The following MGAT5B variants were observed in gnomAD, a reference collection of about 807,000 sequenced individuals.
MGAT5B encodes alpha-1,6-mannosylglycoprotein 6-beta-N-acetylglucosaminyltransferase B, also known as N-acetylglucosaminyl-transferase Vb.
MGAT5B carries 54 observed loss-of-function variants against 95.1 expected under a neutral mutation model. The observed-to-expected ratio is 0.57, with a 90% CI of 0.46 to 0.71. MGAT5B has a LOEUF of 0.71. MGAT5B is among the 30% of genes least tolerant of loss of function. The probability of loss-of-function intolerance (pLI) is 0.00; values close to 1 mark genes in which losing one functional copy is unlikely to be tolerated. For synonymous variants in MGAT5B, 464 were observed against 451.0 expected (o/e 1.03, Z -0.36); for missense variants, 935 against 1,088.6 (o/e 0.86, Z 1.99).
In MGAT5B at chr17:76,932,717, A is replaced by G. The variant is rs1969532045; in HGVS notation, c.1364A>G (p.Lys455Arg). ...ELNETEKRLI[K>R]GGKASNMAVV... is the part of the protein sequence containing the mutation. ...AACGAGACGGAGAAGCGGCTCATCA[A>G]AGGCGGCAAGGCCAGCAACATGGCC... The change falls in exon 11 of 18, where the codon AAA becomes AGA. Residue 455 changes from lysine (K) to arginine (R), a missense_variant. Physicochemically the swap from Lys to Arg is conservative, Grantham distance 26. Around this residue, in one of 4 missense-constraint regions of MGAT5B, gnomAD observed 440 missense variants for 523.6 expected, o/e 0.84. Transcript: ENST00000569840. 6.2e-7 allele frequency: 1 copy of G among 1,613,974 alleles called. No individual in the cohort carries two copies. Among genetic ancestry groups the G allele is most frequent in the Non-Finnish European group, 8.5e-7 (1 of 1,179,946 alleles).
intron 15 of MGAT5B, among the ~76,000 whole-genome samples, chr17:76,943,482 C>G (rs905346055): frequency 2.6e-5 from 4 of 152,148 alleles, no homozygotes; most frequent in African/African-American, 9.7e-5. Context: ...CGAGCCTATC[C>G]CGCACCTTCC....
chr17:76,933,193 C>T, intron 11 of MGAT5B, 99 bp from the exon 12 acceptor site: 3 of 1,508,412 alleles, frequency 2.0e-6, no homozygotes, highest in African/African-American at 1.4e-5. Context: ...GGGTTGGGGG[C>T]CCCAGAGAGG....
chr17:76,926,629 C>T lies in MGAT5B; in HGVS notation c.1190C>T (p.Thr397Met), dbSNP rs139971041. The change falls in exon 10 of 18, where the codon ACG (threonine) becomes ATG (methionine). Residue 397 changes from threonine to methionine, a missense_variant. Physicochemically the swap from Thr to Met is moderately conservative, Grantham distance 81. Around this residue, in one of 4 missense-constraint regions of MGAT5B, gnomAD observed 9 missense variants for 31.1 expected, o/e 0.29. Transcript: ENST00000569840. The part of the protein sequence containing the change: ...CRIRVIDTFG[T>M]EPAYNHEEYA... ...ATCAGGGTCATCGACACCTTCGGGA[C>T]GGAACCTGCGTACAACCACGAGGAG... is the stretch of plus-strand genomic sequence containing the variant. 5.6e-6 allele frequency: 9 copies of T among 1,612,468 alleles called. No homozygotes were observed. The highest frequency in any genetic ancestry group is 4.0e-5 in the African/African-American group (3 of 74,912).
intron 3 of MGAT5B, among the ~76,000 whole-genome samples, chr17:76,897,342 T>C (rs1017688536): frequency 1.3e-5 from 2 of 152,146 alleles, no homozygotes; most frequent in African/African-American, 4.8e-5. Flanking sequence ...CAACAGAAAT[T>C]TACTCTTTCC....
chr17:76,874,440 G>A (rs1474748119), intron 2 of MGAT5B, among the ~76,000 whole-genome samples: 14 of 152,180 alleles, frequency 9.2e-5, no homozygotes, highest in African/African-American at 3.1e-4. Flanking sequence ...AAGGTGAACC[G>A]GAAGGGTGGC....
chr17:76,900,249 T>C (rs1324935035), intron 3 of MGAT5B, among the ~76,000 whole-genome samples: 1 of 152,180 alleles, frequency 6.6e-6, no homozygotes, highest in Non-Finnish European at 1.5e-5. Context: ...CTGAGGACTT[T>C]TTGAGCAAAT....
At position 76,887,521 on chromosome 17, in the gene MGAT5B, CCCTCCCTCCCTT is replaced by C. The variant is rs1369678991; in HGVS notation, c.329+5227_329+5238del. 5.8e-4 allele frequency among the ~76,000 whole-genome samples: 41 copies of C among 71,212 alleles called. 1 individual carries two copies. The highest frequency in any genetic ancestry group is 3.5e-3 in the African/African-American group (30 of 8,654). 46.7% of individuals were successfully genotyped at this position (71,212 alleles called of 152,430 possible). A position where few individuals can be genotyped will look rare whatever the true frequency, so the allele number is the denominator to read the frequency against. On this transcript the variant is annotated intron_variant, in intron 3 of 17. Transcript: ENST00000569840. ...TTCCTCTCTCCCTCCCTCCCTCCCT[CCCTCCCTCCCTT>C]CCTTCCTTCCTTTCTTTTTTCTTTT...
intron 15 of MGAT5B, among the ~76,000 whole-genome samples, chr17:76,945,490 C>G (rs12451777): frequency 2.0e-5 from 3 of 151,798 alleles, no homozygotes; most frequent in African/African-American, 7.3e-5. Context: ...GGTTTCACCA[C>G]GTTGGCCAGG....
intron 3 of MGAT5B, among the ~76,000 whole-genome samples, chr17:76,896,336 G>A (rs1002363982): frequency 3.9e-5 from 6 of 152,182 alleles, no homozygotes; most frequent in African/African-American, 1.4e-4. Context: ...TGAACAAGTT[G>A]AACTTGTTAA....
rs1969848199 is a variant in MGAT5B at position 76,940,969 on chromosome 17, G to GTGTCCA, written c.1848+123_1848+128dup. The GTGTCCA allele has an allele frequency of 2.7e-6, 2 of 752,622 alleles. No homozygotes were observed. The highest frequency in any genetic ancestry group is 1.7e-5 in the African/African-American group (1 of 57,770). The allele number at this position is 752,622 out of a possible 1,614,324, so 46.6% of individuals were successfully genotyped here. ...GACTTGCAGGCCTGGGTTGGCAAAGGTGTCCATCCCTCCCCTGGTCAGACA... is the reference window on the plus strand; with the variant it reads ...GACTTGCAGGCCTGGGTTGGCAAAGGTGTCCATGTCCATCCCTCCCCTGGTCAGACA... On this transcript the variant is annotated intron_variant, in intron 15 of 17. Transcript: ENST00000569840. This position sits in a 1 kb window ranked among gnomAD's most constrained non-coding sequence, Gnocchi z 4.3.
At chr17:76,894,873 G>GA (rs368977652) in intron 3 of MGAT5B, among the ~76,000 whole-genome samples, 5 of 147,776 alleles carry the variant, frequency 3.4e-5, no homozygotes, top group South Asian at 2.2e-4. Flanking sequence ...AAGAAAAAAA[G>GA]AAAAAAAAAG....
At chr17:76,897,701 CTT>C (rs1968126078) in intron 3 of MGAT5B, among the ~76,000 whole-genome samples, 2 of 105,244 alleles carry the variant, frequency 1.9e-5, no homozygotes, top group African/African-American at 9.7e-5. Context: ...TTCTTTCTTT[CTT>C]TCTTTCTTTC....
At chr17:76,907,653 C>T (rs986089755) in intron 8 of MGAT5B, among the ~76,000 whole-genome samples, 12 of 152,150 alleles carry the variant, frequency 7.9e-5, no homozygotes, top group Admixed American at 2.6e-4. Context: ...TGGTTTTGAA[C>T]GTTGCCGTGG....
intron 1 of MGAT5B, among the ~76,000 whole-genome samples, chr17:76,872,144 G>A (rs1441987495): frequency 2.6e-5 from 4 of 151,912 alleles, no homozygotes; most frequent in Non-Finnish European, 5.9e-5. Context: ...AGTCCGTGGT[G>A]CAGGCTGATG....
intron 2 of MGAT5B, among the ~76,000 whole-genome samples, chr17:76,877,917 C>T (rs1299937866): frequency 6.6e-6 from 1 of 151,432 alleles, no homozygotes; most frequent in East Asian, 1.9e-4. Flanking sequence ...ATAAACACAT[C>T]CCGTCTGTAA....
intron 3 of MGAT5B, among the ~76,000 whole-genome samples, chr17:76,902,300 C>T (rs554628146): frequency 7.2e-6 from 1 of 139,290 alleles, no homozygotes; most frequent in South Asian, 2.2e-4. Context: ...GTGGGCACAA[C>T]ATGCAGTTGT....
Position 76,949,440 on chromosome 17 carries a change from A to G in MGAT5B, c.*602A>G. On this transcript the variant is annotated 3_prime_UTR_variant, in exon 18 of 18. Transcript: ENST00000569840. ...AGGGGCAGGGGGCTGGGAGAAGGCT[A>G]AGCCGAGGGGTCCTGTTTGTGCCTC... is the stretch of plus-strand genomic sequence containing the variant. The G allele has an allele frequency of 6.5e-6, 1 of 152,882 alleles. No individual in the cohort carries two copies. The highest frequency in any genetic ancestry group is 1.5e-5 in the Non-Finnish European group (1 of 68,554). 9.5% of individuals were successfully genotyped at this position (152,882 alleles called of 1,614,324 possible).
rs1175628347 is a variant in MGAT5B, at chr17:76,870,645, G to T, written c.68+1548G>T. Among the ~76,000 whole-genome samples the T allele has an allele frequency of 6.6e-6, 1 of 152,004 alleles. No individual in the cohort carries two copies. The highest frequency in any genetic ancestry group is 1.5e-5 in the Non-Finnish European group (1 of 67,950). Reference sequence around the variant, plus strand: ...AGGCCCTTATCTGAAGGCAGGATTGGGGGTGGAGGTGCATGGGTCCCCAAA... The same window carrying T: ...AGGCCCTTATCTGAAGGCAGGATTGTGGGTGGAGGTGCATGGGTCCCCAAA... On this transcript the variant is annotated intron_variant, in intron 1 of 17. Transcript: ENST00000569840. This position sits in a 1 kb window ranked among gnomAD's most constrained non-coding sequence, Gnocchi z 5.0.
rs373924574 is a variant in MGAT5B, at chr17:76,940,506, C to A, written c.1689C>A (p.Ser563=). The change falls in exon 14 of 18, where the codon TCC becomes TCA. Residue 563 remains serine (S), a synonymous_variant. Coordinates refer to ENST00000569840, the MANE Select transcript of MGAT5B (RefSeq NM_001199172.2). The surrounding 1 kb of genome is among the most constrained non-coding windows in gnomAD (Gnocchi z 4.3). ...LQSRFSPPHS[S]LNHEFFRGKP... ...CCCGCTTCAGCCCGCCCCACAGCTC[C>A]CTCAACCACGAGTTCTTCCGAGGCA... 6.2e-7 allele frequency: 1 copy of A among 1,613,680 alleles called. No homozygotes were observed. The highest frequency in any genetic ancestry group is 8.5e-7 in the Non-Finnish European group (1 of 1,179,808).
Sources: gnomAD v4.1 joint callset for allele counts (sites outside exome capture counted in the v4.1 genomes callset) on GRCh38, gnomAD v4.1.1 for gene constraint, gnomAD v4.1.1 regional missense constraint, Gnocchi (gnomAD v3.1) non-coding constraint, MANE v1.5 for transcripts, NCBI Gene and HGNC (gene_info 2026-07-23, HGNC 2026-07-21) for gene names.